The following VGLL4 variants were observed in gnomAD, a reference collection of about 807,000 sequenced individuals.
VGLL4 encodes the protein transcription cofactor vestigial-like protein 4.
In VGLL4, 7 loss-of-function variants were observed where a neutral mutation model predicts 21.0. The observed-to-expected ratio is 0.33, with a 90% CI of 0.19 to 0.63. The LOEUF is 0.63. VGLL4 is among the 20% of genes least tolerant of loss of function. The pLI is 0.78. For synonymous variants in VGLL4, 222 were observed against 173.2 expected (o/e 1.28, Z -2.21); for missense variants, 394 against 425.7 (o/e 0.93, Z 0.66).
At chr3:11,625,750 C>T (rs1251991133) in intron 1 of VGLL4, among the ~76,000 whole-genome samples, 4 of 151,618 alleles carry the variant, frequency 2.6e-5, no homozygotes, top group African/African-American at 9.7e-5. Flanking sequence ...TGTGGTACAG[C>T]CATACAAGGA....
chr3:11,573,316 G>GAAGGAAGGAAGAAAGAAAGA (rs2073910741), intron 2 of VGLL4, among the ~76,000 whole-genome samples: 1 of 20,754 alleles, frequency 4.8e-5, no homozygotes. Flanking sequence ...AGGAAGGAAG[G>GAAGGAAGGAAGAAAGAAAGA]AAGAAAGAAA....
At chr3:11,619,693 G>T (rs2075228909) in intron 1 of VGLL4, among the ~76,000 whole-genome samples, 1 of 152,078 alleles carries the variant, frequency 6.6e-6, no homozygotes, top group South Asian at 2.1e-4. Flanking sequence ...GCCGATTGAT[G>T]ATTACACAAT....
intron 2 of VGLL4, among the ~76,000 whole-genome samples, chr3:11,673,780 A>C (rs1380411244): frequency 6.6e-6 from 1 of 152,038 alleles, no homozygotes; most frequent in African/African-American, 2.4e-5. Flanking sequence ...TTGGGAGGCC[A>C]AGGTGGGTGG....
intron 3 of VGLL4, among the ~76,000 whole-genome samples, chr3:11,561,253 A>G (rs541360210): frequency 6.6e-6 from 1 of 152,280 alleles, no homozygotes; most frequent in East Asian, 1.9e-4. Context: ...GGGAGGGGGA[A>G]TCAAGGAAGA....
At position 11,558,617 on chromosome 3, in the gene VGLL4, T is replaced by C. The variant is rs778879842; in HGVS notation, c.830A>G (p.Gln277Arg). 1.2e-6 allele frequency: 2 copies of C among 1,607,766 alleles called. No individual in the cohort carries two copies. The highest frequency in any genetic ancestry group is 1.3e-5 in the African/African-American group (1 of 74,906). The change falls in exon 5 of 5, where the codon CAG (glutamine) becomes CGG (arginine). Residue 277 changes from glutamine to arginine, a missense_variant. Physicochemically the swap from Gln to Arg is conservative, Grantham distance 43. Transcript: ENST00000430365. Reference sequence around the variant, plus strand: ...CATGTGGGCAGAGGGGCTGGCGGGCTGGCCCCTGCGAGAGGCGGACTCAGG... The same window carrying C: ...CATGTGGGCAGAGGGGCTGGCGGGCCGGCCCCTGCGAGAGGCGGACTCAGG... ...SSPESASRRG[Q>R]PASPSAHMVS... is the part of the protein sequence containing the mutation.
chr3:11,691,754 A>G (rs2076529814), intron 2 of VGLL4, among the ~76,000 whole-genome samples: 2 of 152,142 alleles, frequency 1.3e-5, no homozygotes. Context: ...GCTGGGCACA[A>G]TGTCCTCCTA....
intron 2 of VGLL4, among the ~76,000 whole-genome samples, chr3:11,590,700 G>C (rs1559884306): frequency 1.3e-5 from 2 of 151,136 alleles, no homozygotes; most frequent in Non-Finnish European, 2.9e-5. Context: ...GTGTGTGTGT[G>C]TGTGTGTGTG....
intron 2 of VGLL4, among the ~76,000 whole-genome samples, chr3:11,591,443 C>T (rs1053213327): frequency 1.1e-4 from 16 of 152,290 alleles, no homozygotes; most frequent in Admixed American, 5.2e-4. Flanking sequence ...TCTGTGTCGT[C>T]GTTTGGCCAG....
intron 4 of VGLL4, 64 bp downstream of exon 4, chr3:11,559,268 G>A: frequency 6.8e-7 from 1 of 1,467,804 alleles, no homozygotes; most frequent in Non-Finnish European, 9.0e-7. Flanking sequence ...CCAACAGCAT[G>A]ACAGAGAAGG....
At chr3:11,584,353 CA>C (rs957911464) in intron 2 of VGLL4, among the ~76,000 whole-genome samples, 23 of 149,636 alleles carry the variant, frequency 1.5e-4, no homozygotes, top group Non-Finnish European at 1.9e-4. Flanking sequence ...AACAAACAAA[CA>C]AAAAAACACA....
chr3:11,585,070 A>C (rs2074331146), intron 2 of VGLL4, among the ~76,000 whole-genome samples: 1 of 152,214 alleles, frequency 6.6e-6, no homozygotes, highest in East Asian at 1.9e-4. Context: ...TTTTTATTAT[A>C]CATCAAATAT....
At position 11,568,067 on chromosome 3, in the gene VGLL4, A is replaced by G. The variant is rs935878039; in HGVS notation, c.273-3048T>C. On this transcript the variant is annotated intron_variant, in intron 2 of 4. Transcript: ENST00000430365. This position sits in a 1 kb window ranked among gnomAD's most constrained non-coding sequence, Gnocchi z 5.9. ...TACAGCCCTGCCTTCTCATGGGCTTACAATCTAGCAGGGACAGAAAGGCCC... is the reference window on the plus strand; with the variant it reads ...TACAGCCCTGCCTTCTCATGGGCTTGCAATCTAGCAGGGACAGAAAGGCCC... Among the ~76,000 whole-genome samples the G allele has an allele frequency of 6.6e-6, 1 of 152,226 alleles. No individual in the cohort carries two copies. Among genetic ancestry groups the G allele is most frequent in the Non-Finnish European group, 1.5e-5 (1 of 68,032 alleles).
intron 1 of VGLL4, among the ~76,000 whole-genome samples, chr3:11,633,957 G>GATTATTTTAGCAATTA (rs1464156745): frequency 6.6e-5 from 10 of 152,296 alleles, no homozygotes; most frequent in Admixed American, 3.3e-4. Flanking sequence ...GCAGTTTAGA[G>GATTATTTTAGCAATTA]ATTATTTTAG....
Position 11,558,749 on chromosome 3 carries a change from G to C in VGLL4, c.698C>G (p.Ala233Gly). Residue 233 changes from alanine to glycine, a missense_variant, in exon 5 of 5, where the codon GCA becomes GGA. Ala to Gly is a moderately conservative substitution (Grantham distance 60, BLOSUM62 0). Transcript: ENST00000430365. ...LGKNYKEPEP[A>G]PNSVSITGSV... is the part of the protein sequence containing the mutation. ...GCCCGTGATGGACACGGAGTTGGGT[G>C]CCGGCTCGGGCTCCTTGTAATTCTT... The C allele has an allele frequency of 6.2e-7, 1 of 1,614,176 alleles. No homozygotes were observed. The highest frequency in any genetic ancestry group is 8.5e-7 in the Non-Finnish European group (1 of 1,180,036).
chr3:11,706,752 G>A (rs1255031750), intron 1 of VGLL4, among the ~76,000 whole-genome samples: 2 of 103,378 alleles, frequency 1.9e-5, no homozygotes, highest in African/African-American at 8.4e-5. Context: ...CTTATCCCCA[G>A]TGCAGTCATC....
chr3:11,624,844 A>T (rs757116675), intron 1 of VGLL4, among the ~76,000 whole-genome samples: 1 of 152,186 alleles, frequency 6.6e-6, no homozygotes, highest in Non-Finnish European at 1.5e-5. Context: ...CTTGATCCGA[A>T]GGAACACTGC....
intron 2 of VGLL4, among the ~76,000 whole-genome samples, chr3:11,667,842 C>CTTTTTT (rs746416276): frequency 5.0e-3 from 349 of 69,362 alleles, no homozygotes; most frequent in Non-Finnish European, 7.0e-3. Flanking sequence ...CTATCTTCTT[C>CTTTTTT]TTTTTTTTTT....
chr3:11,582,777 C>T (rs1281999648), intron 2 of VGLL4, among the ~76,000 whole-genome samples: 4 of 152,218 alleles, frequency 2.6e-5, no homozygotes, highest in Non-Finnish European at 4.4e-5. Flanking sequence ...GCCGGCCCCT[C>T]AGAGAAGGAA....
rs972967081 is a variant in VGLL4, at chr3:11,556,811, A to G, written c.*1745T>C. 1 of 152,776 alleles carries G rather than the reference A, an allele frequency of 6.5e-6. No individual in the cohort carries two copies. Among genetic ancestry groups the G allele is most frequent in the Non-Finnish European group, 1.5e-5 (1 of 68,042 alleles). The allele number at this position is 152,776 out of a possible 1,614,324, so 9.5% of individuals were successfully genotyped here. A position where few individuals can be genotyped will look rare whatever the true frequency, so the allele number is the denominator to read the frequency against. ...GTTCTCAACGATTTTTCCTACAGAA[A>G]ATATAGGGGCCTGAATGCCAAAGCT... is the stretch of plus-strand genomic sequence containing the variant. On this transcript the variant is annotated 3_prime_UTR_variant, in exon 5 of 5. Transcript: ENST00000430365.
Sources: gnomAD v4.1 joint callset for allele counts (sites outside exome capture counted in the v4.1 genomes callset) on GRCh38, gnomAD v4.1.1 for gene constraint, Gnocchi (gnomAD v3.1) non-coding constraint, MANE v1.5 for transcripts, NCBI Gene and HGNC (gene_info 2026-07-23, HGNC 2026-07-21) for gene names.